Variants in DLGAP5 observed in about 807,000 individuals in gnomAD.
DLGAP5 encodes the protein disks large-associated protein 5.
A neutral mutation model predicts 99.6 loss-of-function variants in DLGAP5; 90 were observed. The observed-to-expected ratio is 0.90, with a 90% confidence interval of 0.76 to 1.08. The LOEUF (loss-of-function observed/expected upper bound fraction) is 1.08, where lower values mean the gene tolerates loss of function less well. Ranked by LOEUF, DLGAP5 falls within the 50% of genes least tolerant of loss-of-function variation. DLGAP5 has a pLI of 0.00. For synonymous variants in DLGAP5, 311 were observed against 321.3 expected, an observed-to-expected ratio of 0.97 and a Z score of 0.34; for missense variants, 1,036 against 983.5, an observed-to-expected ratio of 1.05 and a Z score of -0.71.
rs1231305873 is a variant in DLGAP5 at position 55,151,960 on chromosome 14, T to C, written c.2122-19A>G. On this transcript the variant is annotated intron_variant, in intron 16 of 18. Coordinates refer to ENST00000247191, the MANE Select transcript of DLGAP5 (RefSeq NM_014750.5). ...TTACAACCTGGAAGTAAAAATGGCA[T>C]TATATTTAATTATCAATTTAATTAC... is the stretch of plus-strand genomic sequence containing the variant. 1 of 1,588,816 alleles carries C rather than the reference T, an allele frequency of 6.3e-7. No homozygotes were observed. The highest frequency in any genetic ancestry group is 8.5e-7 in the Non-Finnish European group (1 of 1,169,798).
At chr14:55,168,855 G>C (rs1032007519) in intron 12 of DLGAP5, among the ~76,000 whole-genome samples, 2 of 152,068 alleles carry the variant, frequency 1.3e-5, no homozygotes, top group African/African-American at 4.8e-5. Flanking sequence ...TTAAAGAGTT[G>C]AAAATAATTT....
At chr14:55,161,121 T>TA (rs1882413350) in intron 13 of DLGAP5, among the ~76,000 whole-genome samples, 1 of 152,132 alleles carries the variant, frequency 6.6e-6, no homozygotes, top group Non-Finnish European at 1.5e-5. Flanking sequence ...AAGTATAGTA[T>TA]AAAAGATTAG....
At chr14:55,178,230 C>T (rs902282679) in intron 7 of DLGAP5, among the ~76,000 whole-genome samples, 23 of 151,356 alleles carry the variant, frequency 1.5e-4, no homozygotes, top group African/African-American at 5.1e-4. Flanking sequence ...TCAGCCTGGG[C>T]GACAGAGCGA....
rs982757666 is a variant in DLGAP5, at chr14:55,169,488, C to G, written c.1459G>C (p.Gly487Arg). ...LMKERFKQFE[G>R]LVDDCEYKRG... ...TTATATTCACAATCATCAACCAGTC[C>G]TTCAAACTGTTTAAACCTTTCCTTC... Residue 487 changes from glycine to arginine, a missense_variant, in exon 12 of 19, where the codon GGA (glycine) becomes CGA (arginine). Gly to Arg is a moderately radical substitution (Grantham distance 125). Coordinates refer to ENST00000247191, the MANE Select transcript of DLGAP5 (RefSeq NM_014750.5). 3.0e-5 allele frequency: 48 copies of G among 1,613,022 alleles called. No homozygotes were observed. The highest frequency in any genetic ancestry group is 3.8e-5 in the Non-Finnish European group (45 of 1,179,682).
In DLGAP5 at chr14:55,189,006, T is replaced by A; in HGVS notation, c.174A>T (p.Arg58Ser). The change falls in exon 2 of 19, where the codon AGA becomes AGT. Residue 58 changes from arginine (R) to serine (S), a missense_variant. Arg to Ser is a moderately radical substitution (Grantham distance 110, BLOSUM62 -1). Transcript: ENST00000247191. ...ATGTCTCATCTAATTCAACAAGAAT[T>A]CTACCTTCCAAGGTTGGAATGTTTA... is the stretch of plus-strand genomic sequence containing the variant. The part of the protein sequence containing the change: ...KDVNIPTLEG[R>S]ILVELDETSQ... 9 of 1,613,944 alleles carry A rather than the reference T, an allele frequency of 5.6e-6. No homozygotes were observed. Among genetic ancestry groups the A allele is most frequent in the Non-Finnish European group, 7.6e-6 (9 of 1,179,964 alleles).
intron 2 of DLGAP5, among the ~76,000 whole-genome samples, chr14:55,187,123 C>G (rs1188964978): frequency 6.6e-6 from 1 of 151,080 alleles, no homozygotes; most frequent in African/African-American, 2.4e-5. Context: ...CCAGAATGGT[C>G]TTGATCTCTT....
intron 14 of DLGAP5, among the ~76,000 whole-genome samples, chr14:55,155,584 G>A (rs142095132): frequency 0.11 from 16,498 of 151,580 alleles, 1,157 homozygotes; most frequent in Non-Finnish European, 0.16. Flanking sequence ...CTGACCTCAG[G>A]TGATCCACCT....
At chr14:55,185,353 C>T (rs1470926056) in intron 2 of DLGAP5, among the ~76,000 whole-genome samples, 1 of 152,190 alleles carries the variant, frequency 6.6e-6, no homozygotes, top group African/African-American at 2.4e-5. Context: ...GCGCCCACCA[C>T]CATGCCCAGC....
chr14:55,187,612 C>T (rs1266460893), intron 2 of DLGAP5, among the ~76,000 whole-genome samples: 3 of 135,768 alleles, frequency 2.2e-5, no homozygotes, highest in South Asian at 2.5e-4. Context: ...CCACTGTGCC[C>T]GACCTGATCC....
At position 55,175,369 on chromosome 14, in the gene DLGAP5, G is replaced by A. The variant is rs1262160463; in HGVS notation, c.1278C>T (p.Pro426=). The A allele has an allele frequency of 1.9e-6, 3 of 1,610,116 alleles. No homozygotes were observed. The highest frequency in any genetic ancestry group is 1.1e-5 in the South Asian group (1 of 89,920). Residue 426 remains proline (P), a synonymous_variant, in exon 10 of 19, where the codon CCC becomes CCT. Coordinates refer to ENST00000247191, the MANE Select transcript of DLGAP5 (RefSeq NM_014750.5). The part of the protein sequence containing the change: ...LERNEGRIAQ[P]HHGVPYFRNI... ...ACCTGAAATATGGCACACCATGGTG[G>A]GGCTGAGCAATTCGACCTTCATTTC...
rs750038944 is a variant in DLGAP5, at chr14:55,183,736, G to C, written c.256C>G (p.Leu86Val). ...AGCATCTGTTTTCGTTGATCACCTAGAATAGTTTTCATTGCCCCTAGGCAG... is the reference window on the plus strand; with the variant it reads ...AGCATCTGTTTTCGTTGATCACCTACAATAGTTTTCATTGCCCCTAGGCAG... Reference protein sequence around the residue: ...NVKPRAMKTILGDQRKQMLQK... With the variant: ...NVKPRAMKTIVGDQRKQMLQK... The change falls in exon 3 of 19, where the codon CTA becomes GTA. Residue 86 changes from leucine (L) to valine (V), a missense_variant. By Grantham distance (32) the Leu-to-Val change is conservative. Transcript: ENST00000247191. 10 of 1,594,484 alleles carry C rather than the reference G, an allele frequency of 6.3e-6. No individual in the cohort carries two copies. The African/African-American group carries it at 1.1e-4, about 17-fold the overall frequency.
intron 10 of DLGAP5, among the ~76,000 whole-genome samples, chr14:55,171,674 G>T (rs1755219831): frequency 6.6e-6 from 1 of 152,194 alleles, no homozygotes; most frequent in African/African-American, 2.4e-5. Context: ...GTACACCCAT[G>T]TTCATAGCTG....
At chr14:55,178,096 C>CA (rs1420587381) in intron 7 of DLGAP5, among the ~76,000 whole-genome samples, 3 of 151,136 alleles carry the variant, frequency 2.0e-5, no homozygotes, top group African/African-American at 4.9e-5. Context: ...GCTAAAAATA[C>CA]AAAAAATTAT....
At chr14:55,171,100 A>T (rs1882842673) in intron 10 of DLGAP5, among the ~76,000 whole-genome samples, 1 of 152,200 alleles carries the variant, frequency 6.6e-6, no homozygotes, top group Admixed American at 6.5e-5. Context: ...GACATTCCTA[A>T]ATGTGCATCA....
At position 55,158,699 on chromosome 14, in the gene DLGAP5, C is replaced by T; in HGVS notation, c.1696G>A (p.Asp566Asn). The change falls in exon 14 of 19, where the codon GAT (aspartate) becomes AAT (asparagine). Residue 566 changes from aspartate to asparagine, a missense_variant. By Grantham distance (23) the Asp-to-Asn change is conservative. Transcript: ENST00000247191. Reference sequence around the variant, plus strand: ...TTTCTCGCTGCAATTCTTCCAGCATCATCCTGTTTTGGTTTACTTGCTATA... The same window carrying T: ...TTTCTCGCTGCAATTCTTCCAGCATTATCCTGTTTTGGTTTACTTGCTATA... ...SGIASKPKQDDAGRIAARNRL... is the reference protein window; with the variant it reads ...SGIASKPKQDNAGRIAARNRL... 3 of 1,614,088 alleles carry T rather than the reference C, an allele frequency of 1.9e-6. No individual in the cohort carries two copies. The highest frequency in any genetic ancestry group is 2.5e-6 in the Non-Finnish European group (3 of 1,180,000).
intron 3 of DLGAP5, 47 bp from the exon 4 acceptor site, chr14:55,182,479 G>A (rs964153891): frequency 2.0e-6 from 3 of 1,487,790 alleles, no homozygotes; most frequent in African/African-American, 2.8e-5. Flanking sequence ...AACTGGTAAA[G>A]GTTTACTTCC....
At chr14:55,152,788 C>T (rs1594661515) in intron 15 of DLGAP5, 141 bp from the exon 16 acceptor site, 2 of 620,922 alleles carry the variant, frequency 3.2e-6, no homozygotes, top group East Asian at 6.3e-5. Flanking sequence ...AGGCGTGATC[C>T]AGATAGATTA....
intron 7 of DLGAP5, among the ~76,000 whole-genome samples, chr14:55,178,221 C>A (rs1883150525): frequency 6.6e-6 from 1 of 151,894 alleles, no homozygotes; most frequent in Admixed American, 6.6e-5. Flanking sequence ...CACTGCACTT[C>A]AGCCTGGGCG....
intron 10 of DLGAP5, among the ~76,000 whole-genome samples, chr14:55,171,935 G>GT (rs1333552799): frequency 6.6e-6 from 1 of 152,122 alleles, no homozygotes; most frequent in Admixed American, 6.6e-5. Flanking sequence ...AAGTAGAATG[G>GT]TATTTACCAG....
Sources: allele counts gnomAD v4.1 joint callset (sites outside exome capture counted in the v4.1 genomes callset), GRCh38; gene constraint gnomAD v4.1.1; transcripts MANE v1.5; gene names NCBI Gene and HGNC (gene_info 2026-07-23, HGNC 2026-07-21).